Variants in LARGE1 observed in about 807,000 individuals in gnomAD.
The protein encoded by LARGE1 is LARGE xylosyl- and glucuronyltransferase 1.
Under a neutral mutation model 87.6 loss-of-function variants are expected in LARGE1, and 43 were observed. The observed-to-expected ratio is 0.49, with a 90% confidence interval of 0.38 to 0.63. LARGE1 has a LOEUF of 0.63. Among genes scored for constraint, LARGE1 ranks in the 30% least tolerant of loss-of-function variants. The probability of loss-of-function intolerance (pLI) is 0.00; values close to 1 mark genes in which losing one functional copy is unlikely to be tolerated. For synonymous variants in LARGE1, 434 were observed against 394.6 expected (o/e 1.10, Z -1.18); for missense variants, 802 against 1,000.2 (o/e 0.80, Z 2.67).
intron 4 of LARGE1, among the ~76,000 whole-genome samples, chr22:33,618,337 T>C (rs376226451): frequency 4.6e-5 from 7 of 152,212 alleles, no homozygotes; most frequent in African/African-American, 1.7e-4. Context: ...GCATGGATTG[T>C]AGGGGCTGGC....
rs1436658286 is a variant in LARGE1, at chr22:33,296,252, C to T, written c.1730+7977G>A. Among the ~76,000 whole-genome samples the T allele has an allele frequency of 3.9e-5, 6 of 152,246 alleles. No homozygotes were observed. The East Asian group carries it at 9.6e-4, about 24-fold the overall frequency. On this transcript the variant is annotated intron_variant, in intron 12 of 14. Coordinates refer to ENST00000397394, the MANE Select transcript of LARGE1 (RefSeq NM_133642.5). ...ACTGCCTGGATTCAGATCCCACTTG[C>T]ATGGACACTCACCAGCTCATACTCT...
chr22:33,837,982 G>C (rs2063158199), intron 1 of LARGE1, among the ~76,000 whole-genome samples: 1 of 152,194 alleles, frequency 6.6e-6, no homozygotes, highest in Non-Finnish European at 1.5e-5. Context: ...CTTTCTCTCT[G>C]GCAACTCGCA....
intron 1 of LARGE1, among the ~76,000 whole-genome samples, chr22:33,894,873 G>A (rs1014280523): frequency 2.0e-5 from 3 of 152,200 alleles, no homozygotes; most frequent in African/African-American, 7.2e-5. Flanking sequence ...AAAAATGGCA[G>A]TGGCACTTCT....
chr22:33,534,248 C>CA (rs1289224540), intron 6 of LARGE1, among the ~76,000 whole-genome samples: 17 of 151,826 alleles, frequency 1.1e-4, no homozygotes, highest in African/African-American at 4.1e-4. Flanking sequence ...ACTAAAAATA[C>CA]AAAAAATTAG....
chr22:33,791,162 A>G lies in LARGE1; in HGVS notation c.-82-29604T>C, dbSNP rs149039767. The stretch of plus-strand genomic sequence containing the variant: ...GAAAAGCTCATGAGCGAGATAAATC[A>G]TTAAAATTAAAATGTCTTTGTGCTG... On this transcript the variant is annotated intron_variant, in intron 1 of 14. Coordinates refer to ENST00000397394, the MANE Select transcript of LARGE1 (RefSeq NM_133642.5). Among the ~76,000 whole-genome samples the G allele has an allele frequency of 2.9e-3, 446 of 152,374 alleles. 4 individuals carry two copies. Among genetic ancestry groups the G allele is most frequent in the African/African-American group, 0.01 (426 of 41,590 alleles).
intron 2 of LARGE1, among the ~76,000 whole-genome samples, chr22:33,727,253 G>A (rs2083299818): frequency 6.6e-6 from 1 of 152,196 alleles, no homozygotes; most frequent in Non-Finnish European, 1.5e-5. Flanking sequence ...ATGACATCCA[G>A]TAACAGCCTG....
At chr22:33,292,070 G>C (rs1383951929) in intron 12 of LARGE1, among the ~76,000 whole-genome samples, 1 of 152,068 alleles carries the variant, frequency 6.6e-6, no homozygotes, top group Admixed American at 6.6e-5. Context: ...CTCCAGTCTG[G>C]GTGACAGAGT....
intron 1 of LARGE1, among the ~76,000 whole-genome samples, chr22:33,885,134 T>C (rs1250911532): frequency 6.6e-6 from 1 of 152,244 alleles, no homozygotes; most frequent in East Asian, 1.9e-4. Flanking sequence ...ATAATCCACA[T>C]GCGCCAGAAA....
chr22:33,509,989 T>C (rs762974716), intron 6 of LARGE1, among the ~76,000 whole-genome samples: 3 of 152,174 alleles, frequency 2.0e-5, no homozygotes, highest in African/African-American at 7.2e-5. Flanking sequence ...GATCTACATT[T>C]GAAACCTAAA....
chr22:33,783,659 A>ATTG (rs978753040), intron 1 of LARGE1, among the ~76,000 whole-genome samples: 1 of 152,130 alleles, frequency 6.6e-6, no homozygotes, highest in Non-Finnish European at 1.5e-5. Context: ...TTTTGTTGTT[A>ATTG]TTGTTGTTGT....
intron 2 of LARGE1, among the ~76,000 whole-genome samples, chr22:33,745,022 G>A (rs1031931785): frequency 2.6e-5 from 4 of 152,178 alleles, no homozygotes; most frequent in African/African-American, 9.7e-5. Context: ...CCCACCAAGT[G>A]TTAATTTCTA....
rs375785114 is a variant in LARGE1 at position 33,399,642 on chromosome 22, G to A, written c.893-15338C>T. ...CGGCTCACTGCAAGCTCCACCTCCC[G>A]GGTTCACACCATTCTCCTGCCTCAG... On this transcript the variant is annotated intron_variant, in intron 7 of 14. Coordinates refer to ENST00000397394, the MANE Select transcript of LARGE1 (RefSeq NM_133642.5). Among the ~76,000 whole-genome samples, 14 of 152,006 alleles carry A rather than the reference G, an allele frequency of 9.2e-5. 1 individual carries two copies. In the South Asian group the frequency reaches 1.5e-3, roughly 16 times the overall value.
intron 3 of LARGE1, among the ~76,000 whole-genome samples, chr22:33,649,209 C>G (rs1230584325): frequency 1.3e-5 from 2 of 152,182 alleles, no homozygotes; most frequent in Non-Finnish European, 2.9e-5. Flanking sequence ...TGTCCTCCTC[C>G]CTCACCACTG....
Position 33,684,586 on chromosome 22 carries a change from G to A in LARGE1, c.107-33918C>T, listed in dbSNP as rs115942518. On this transcript the variant is annotated intron_variant, in intron 2 of 14. Transcript: ENST00000397394. ...TTATTGGTTGCCTGTAACTCCATGC[G>A]GAACTGAGGAAATTGAGAACCTAGC... Among the ~76,000 whole-genome samples, 382 of 152,258 alleles carry A rather than the reference G, an allele frequency of 2.5e-3. 1 individual carries two copies. The highest frequency in any genetic ancestry group is 8.6e-3 in the African/African-American group (358 of 41,546).
intron 6 of LARGE1, among the ~76,000 whole-genome samples, chr22:33,521,786 T>C (rs1417383419): frequency 6.6e-6 from 1 of 152,196 alleles, no homozygotes; most frequent in Admixed American, 6.5e-5. Context: ...TCTGTGTTAG[T>C]CCATTCACAC....
intron 2 of LARGE1, chr22:33,656,836 T>A (rs1317825972): frequency 1.3e-5 from 2 of 152,234 alleles, no homozygotes; most frequent in Non-Finnish European, 2.9e-5. Context: ...TCATCGACTC[T>A]GAATCTCTGA....
At chr22:33,486,023 G>A (rs1226230753) in intron 6 of LARGE1, among the ~76,000 whole-genome samples, 1 of 152,188 alleles carries the variant, frequency 6.6e-6, no homozygotes, top group African/African-American at 2.4e-5. Flanking sequence ...ATAACTCTTA[G>A]AGACAAGGAC....
chr22:33,819,932 G>A lies in LARGE1; in HGVS notation c.-82-58374C>T, dbSNP rs141201818. ...CTAGCCAGTAGGACATGTGCAGCGT[G>A]ATGTGGGCCCTACCCGCAGGTAATG... On this transcript the variant is annotated intron_variant, in intron 1 of 14. Coordinates refer to ENST00000397394, the MANE Select transcript of LARGE1 (RefSeq NM_133642.5). Among the ~76,000 whole-genome samples the A allele has an allele frequency of 4.5e-3, 689 of 152,286 alleles. 3 individuals carry two copies. The highest frequency in any genetic ancestry group is 0.015 in the African/African-American group (634 of 41,560).
Position 33,698,537 on chromosome 22 carries a change from T to C in LARGE1, c.107-47869A>G, listed in dbSNP as rs116652838. On this transcript the variant is annotated intron_variant, in intron 2 of 14. Coordinates refer to ENST00000397394, the MANE Select transcript of LARGE1 (RefSeq NM_133642.5). ...GTTGGCCAGGCTAGTCTTGAGCTCC[T>C]AGCCTCAAGCGATCTGCCCGCCTTA... 8.9e-3 allele frequency among the ~76,000 whole-genome samples: 1,363 copies of C among 152,318 alleles called. 25 individuals are homozygous for C. The highest frequency in any genetic ancestry group is 0.031 in the African/African-American group (1,291 of 41,562).
Sources: allele counts gnomAD v4.1 joint callset (sites outside exome capture counted in the v4.1 genomes callset), GRCh38; gene constraint gnomAD v4.1.1; transcripts MANE v1.5; gene names NCBI Gene and HGNC (gene_info 2026-07-23, HGNC 2026-07-21).